TBL1XR1: variants seen among roughly 807,000 people sequenced by gnomAD.
TBL1XR1 encodes the protein F-box-like/WD repeat-containing protein TBL1XR1.
TBL1XR1 carries 5 observed loss-of-function variants against 66.9 expected under a neutral mutation model. The observed-to-expected ratio is 0.07, with a 90% CI of 0.04 to 0.16. TBL1XR1 has a LOEUF of 0.16. TBL1XR1 is among the 10% of genes least tolerant of loss of function. TBL1XR1 has a pLI of 1.00. For synonymous variants in TBL1XR1, 210 were observed against 206.0 expected, an observed-to-expected ratio of 1.02 and a Z score of -0.17; for missense variants, 238 against 623.2, an observed-to-expected ratio of 0.38 and a Z score of 6.58.
chr3:177,116,542 T>C (rs910073625), intron 1 of TBL1XR1, among the ~76,000 whole-genome samples: 6 of 152,230 alleles, frequency 3.9e-5, no homozygotes, highest in African/African-American at 1.4e-4. Context: ...CCATTTTACA[T>C]GCCTGTCTCC....
At chr3:177,074,745 A>G (rs1211892932) in intron 2 of TBL1XR1, among the ~76,000 whole-genome samples, 5 of 152,346 alleles carry the variant, frequency 3.3e-5, no homozygotes, top group East Asian at 3.9e-4. Context: ...ACAACCTAAT[A>G]TAACAAAATG....
intron 9 of TBL1XR1, among the ~76,000 whole-genome samples, chr3:177,046,446 C>T (rs1414973687): frequency 6.6e-6 from 1 of 152,044 alleles, no homozygotes; most frequent in Non-Finnish European, 1.5e-5. Flanking sequence ...AAGGGCCAGG[C>T]ATTATACTAG....
chr3:177,112,406 C>A (rs1725766028), intron 1 of TBL1XR1, among the ~76,000 whole-genome samples: 1 of 151,786 alleles, frequency 6.6e-6, no homozygotes, highest in South Asian at 2.1e-4. Flanking sequence ...CGGCCCCCGG[C>A]CTAAAGTATC....
chr3:177,051,972 A>G, intron 4 of TBL1XR1, among the ~76,000 whole-genome samples: 1 of 152,182 alleles, frequency 6.6e-6, no homozygotes, highest in East Asian at 1.9e-4. Flanking sequence ...GTACAGATAG[A>G]GCTGAAATGA....
intron 1 of TBL1XR1, among the ~76,000 whole-genome samples, chr3:177,116,648 C>T (rs886414045): frequency 6.6e-6 from 1 of 152,162 alleles, no homozygotes; most frequent in Non-Finnish European, 1.5e-5. Flanking sequence ...TACAATAATA[C>T]TGTTACTCTA....
At chr3:177,069,778 GAAGGA>G (rs1433336032) in intron 2 of TBL1XR1, among the ~76,000 whole-genome samples, 4 of 92,998 alleles carry the variant, frequency 4.3e-5, no homozygotes, top group Admixed American at 3.3e-4. Context: ...GGAAGGAAAG[GAAGGA>G]AAAGGAAGGA....
At position 177,021,976 on chromosome 3, in the gene TBL1XR1, T is replaced by C. The variant is rs1158917674; in HGVS notation, c.*3522A>G. The C allele has an allele frequency of 6.6e-6, 1 of 152,596 alleles. No individual in the cohort carries two copies. The highest frequency in any genetic ancestry group is 1.5e-5 in the Non-Finnish European group (1 of 67,994). 9.5% of individuals were successfully genotyped at this position (152,596 alleles called of 1,614,324 possible). A position where few individuals can be genotyped will look rare whatever the true frequency, so the allele number is the denominator to read the frequency against. The stretch of plus-strand genomic sequence containing the variant: ...CTCACTTAAGTATGATCATTTGTGA[T>C]TCCTTTAAATAGCAAAAATGCACAG... On this transcript the variant is annotated 3_prime_UTR_variant, in exon 16 of 16. Transcript: ENST00000457928.
intron 3 of TBL1XR1, among the ~76,000 whole-genome samples, chr3:177,063,923 A>T (rs1489545481): frequency 6.6e-6 from 1 of 152,194 alleles, no homozygotes; most frequent in Non-Finnish European, 1.5e-5. Flanking sequence ...AGCTGGGAAC[A>T]TCTCAGCAAG....
At chr3:177,050,687 C>A (rs1716944637) in intron 5 of TBL1XR1, 77 bp from the exon 6 acceptor site, 2 of 1,515,136 alleles carry the variant, frequency 1.3e-6, no homozygotes, top group African/African-American at 1.4e-5. Flanking sequence ...TCTTAACTAG[C>A]AAATACCTTC....
At chr3:177,054,240 A>G (rs1273617148) in intron 3 of TBL1XR1, among the ~76,000 whole-genome samples, 1 of 152,246 alleles carries the variant, frequency 6.6e-6, no homozygotes, top group Non-Finnish European at 1.5e-5. Flanking sequence ...TGTAAAAGGT[A>G]AAACAAGTCT....
At chr3:177,043,706 A>G (rs1715926871) in intron 10 of TBL1XR1, among the ~76,000 whole-genome samples, 2 of 152,132 alleles carry the variant, frequency 1.3e-5, no homozygotes, top group African/African-American at 4.8e-5. Flanking sequence ...GCTTTGTCAT[A>G]TGGTTACATT....
chr3:177,082,738 T>TTATATATATATATATATATATATA lies in TBL1XR1; in HGVS notation c.-46+15704_-46+15727dup, dbSNP rs374510003. ...TATTACTAAATTTCTAAGATAGAGA[T>TTATATATATATATATATATATATA]TATATATATATATATATATATATAT... On this transcript the variant is annotated intron_variant, in intron 2 of 15. Transcript: ENST00000457928. Among the ~76,000 whole-genome samples the TTATATATATATATATATATATATA allele has an allele frequency of 5.3e-3, 333 of 63,162 alleles. 31 individuals carry two copies. The highest frequency in any genetic ancestry group is 0.01 in the South Asian group (13 of 1,288). The allele number at this position is 63,162 out of a possible 152,430, so 41.4% of individuals were successfully genotyped here.
chr3:177,058,290 G>T (rs1275620284), intron 3 of TBL1XR1, among the ~76,000 whole-genome samples: 2 of 152,056 alleles, frequency 1.3e-5, no homozygotes, highest in Admixed American at 6.5e-5. Context: ...CTCCAACTCT[G>T]CCCTACAGAT....
At chr3:177,047,819 G>A (rs1716523213) in intron 7 of TBL1XR1, 1 of 395,920 alleles carries the variant, frequency 2.5e-6, no homozygotes, top group African/African-American at 2.0e-5. Context: ...CCCACCTCAT[G>A]CATGCCAAAA....
At chr3:177,179,611 C>A (rs1033842910) in intron 1 of TBL1XR1, among the ~76,000 whole-genome samples, 6 of 152,086 alleles carry the variant, frequency 3.9e-5, no homozygotes, top group African/African-American at 1.4e-4. Context: ...ATTCCTAAAC[C>A]CAACCTCAAA....
rs142881015 is a variant in TBL1XR1 at position 177,064,195 on chromosome 3, C to A, written c.58+725G>T. 2.2e-3 allele frequency among the ~76,000 whole-genome samples: 339 copies of A among 152,288 alleles called. 1 individual carries two copies. The highest frequency in any genetic ancestry group is 7.8e-3 in the African/African-American group (324 of 41,576). ...AATTTCTAAAATTCAATCTCTAGAC[C>A]ATGACATTTAAAATCACCAAATGCT... On this transcript the variant is annotated intron_variant, in intron 3 of 15. Transcript: ENST00000457928.
intron 1 of TBL1XR1, among the ~76,000 whole-genome samples, chr3:177,174,862 C>G (rs1047046765): frequency 1.3e-5 from 2 of 152,306 alleles, no homozygotes; most frequent in South Asian, 2.1e-4. Context: ...CGTTTAAAAT[C>G]CTTCACTAGT....
chr3:177,201,454 T>A (rs973421083), upstream of TBL1XR1, among the ~76,000 whole-genome samples: 26 of 151,902 alleles, frequency 1.7e-4, no homozygotes, highest in Admixed American at 3.9e-4. Context: ...TGACTTGTTT[T>A]ATTTCAGTAA....
chr3:177,064,571 C>T (rs1466730768), intron 3 of TBL1XR1, among the ~76,000 whole-genome samples: 2 of 152,042 alleles, frequency 1.3e-5, no homozygotes, highest in Non-Finnish European at 2.9e-5. Context: ...CAATTAGGAC[C>T]AACAACATTT....
Sources: allele counts gnomAD v4.1 joint callset (sites outside exome capture counted in the v4.1 genomes callset), GRCh38; gene constraint gnomAD v4.1.1; transcripts MANE v1.5; gene names NCBI Gene and HGNC (gene_info 2026-07-23, HGNC 2026-07-21).